Variants in AMPH observed in about 807,000 individuals in gnomAD.
The protein encoded by AMPH is amphiphysin (Stiff-Mann syndrome with breast cancer 128kD autoantigen).
Under a neutral mutation model 99.1 loss-of-function variants are expected in AMPH, and 49 were observed. That is an observed-to-expected ratio of 0.49 (90% CI 0.39 to 0.63). The LOEUF (loss-of-function observed/expected upper bound fraction) is 0.63. Ranked by LOEUF, AMPH falls within the 20% of genes least tolerant of loss-of-function variation. AMPH has a pLI of 0.00. For synonymous variants in AMPH, 314 were observed against 317.3 expected (o/e 0.99, Z 0.11); for missense variants, 759 against 863.4 (o/e 0.88, Z 1.52).
At chr7:38,391,445 C>G (rs571958322) in intron 19 of AMPH, among the ~76,000 whole-genome samples, 1 of 152,298 alleles carries the variant, frequency 6.6e-6, no homozygotes, top group Admixed American at 6.5e-5. Flanking sequence ...CTGAGCCAGG[C>G]TCCACAGATT....
intron 2 of AMPH, among the ~76,000 whole-genome samples, chr7:38,526,843 C>T (rs1452546808): frequency 6.6e-6 from 1 of 152,092 alleles, no homozygotes; most frequent in Non-Finnish European, 1.5e-5. Flanking sequence ...CTTTACCTAA[C>T]CCTAGATCCC....
intron 10 of AMPH, among the ~76,000 whole-genome samples, 187 bp from the exon 11 acceptor site, chr7:38,461,598 T>G (rs934402582): frequency 6.6e-6 from 1 of 152,164 alleles, no homozygotes; most frequent in African/African-American, 2.4e-5. Context: ...TGAGCCCTGA[T>G]AAGCCATGGT....
chr7:38,420,947 C>T (rs750762348), intron 16 of AMPH: 8 of 456,428 alleles, frequency 1.8e-5, no homozygotes, highest in African/African-American at 4.0e-5. Flanking sequence ...AACACTGGGG[C>T]GTTTTCTTGC....
At chr7:38,517,939 A>G (rs1263605227) in intron 2 of AMPH, among the ~76,000 whole-genome samples, 2 of 152,136 alleles carry the variant, frequency 1.3e-5, no homozygotes, top group Non-Finnish European at 2.9e-5. Context: ...CCCTCTCATC[A>G]CAGTCTCAGC....
intron 2 of AMPH, among the ~76,000 whole-genome samples, chr7:38,517,482 G>GC (rs927369601): frequency 1.3e-5 from 2 of 152,114 alleles, no homozygotes; most frequent in South Asian, 2.1e-4. Flanking sequence ...TTTCCTGAGT[G>GC]CCCCCCATCC....
At chr7:38,408,104 G>C (rs1454268967) in intron 17 of AMPH, among the ~76,000 whole-genome samples, 1 of 152,108 alleles carries the variant, frequency 6.6e-6, no homozygotes, top group Non-Finnish European at 1.5e-5. Flanking sequence ...AGTAAACAAG[G>C]ACTGAAACAG....
Position 38,429,360 on chromosome 7 carries a change from G to A in AMPH, c.1182+482C>T, listed in dbSNP as rs947094962. Reference sequence around the variant, plus strand: ...GTCAGCAGACGAAAGCAGGCTGGTGGATAATCTTATGTCTTGCTCTGTTTC... The same window carrying A: ...GTCAGCAGACGAAAGCAGGCTGGTGAATAATCTTATGTCTTGCTCTGTTTC... On this transcript the variant is annotated intron_variant, in intron 14 of 20. Transcript: ENST00000356264. 5 of 1,290,028 alleles carry A rather than the reference G, an allele frequency of 3.9e-6. No homozygotes were observed. In the Admixed American group the frequency reaches 1.1e-4, roughly 30 times the overall value. 79.9% of individuals were successfully genotyped at this position (1,290,028 alleles called of 1,614,324 possible).
chr7:38,516,845 C>T (rs1447805784), intron 2 of AMPH, among the ~76,000 whole-genome samples: 4 of 152,208 alleles, frequency 2.6e-5, no homozygotes, highest in East Asian at 3.9e-4. Flanking sequence ...GTGTCAGTGT[C>T]GCCTGAATAT....
intron 20 of AMPH, among the ~76,000 whole-genome samples, chr7:38,386,314 C>T (rs1465761798): frequency 6.6e-6 from 1 of 152,078 alleles, no homozygotes; most frequent in East Asian, 1.9e-4. Flanking sequence ...ATTTTTCCCC[C>T]ACAAGTGTCT....
At chr7:38,429,915 T>C in intron 13 of AMPH, 50 bp from the exon 14 acceptor site, 1 of 1,538,688 alleles carries the variant, frequency 6.5e-7, no homozygotes, top group South Asian at 1.2e-5. Context: ...GAAAATTCAC[T>C]AACACAATAA....
intron 1 of AMPH, among the ~76,000 whole-genome samples, chr7:38,617,708 T>C (rs939967750): frequency 6.6e-6 from 1 of 152,214 alleles, no homozygotes; most frequent in African/African-American, 2.4e-5. Context: ...TTTAGACTCA[T>C]TGTTGGTGTT....
chr7:38,559,402 G>A (rs1439138693), intron 1 of AMPH, among the ~76,000 whole-genome samples: 2 of 152,234 alleles, frequency 1.3e-5, no homozygotes, highest in Middle Eastern at 3.2e-3. Flanking sequence ...GAATGTCCTG[G>A]AAGAAAGTCA....
chr7:38,417,433 T>C (rs1785420660), intron 17 of AMPH, among the ~76,000 whole-genome samples: 1 of 152,236 alleles, frequency 6.6e-6, no homozygotes, highest in South Asian at 2.1e-4. Context: ...ATGAAACTAA[T>C]ATTGTAAGTA....
At chr7:38,516,686 C>T (rs973690614) in intron 2 of AMPH, among the ~76,000 whole-genome samples, 8 of 152,224 alleles carry the variant, frequency 5.3e-5, no homozygotes, top group Admixed American at 4.6e-4. Context: ...GTCCTCCAGA[C>T]CCCACAATGG....
intron 7 of AMPH, among the ~76,000 whole-genome samples, chr7:38,472,308 G>A (rs918653159): frequency 6.6e-6 from 1 of 152,016 alleles, no homozygotes; most frequent in Non-Finnish European, 1.5e-5. Flanking sequence ...ATGTATTTAT[G>A]GAATAACTTG....
At position 38,387,575 on chromosome 7, in the gene AMPH, A is replaced by C. The variant is rs190478981; in HGVS notation, c.1980+2229T>G. Among the ~76,000 whole-genome samples the C allele has an allele frequency of 7.9e-5, 12 of 152,288 alleles. No individual in the cohort carries two copies. In the East Asian group the frequency reaches 2.3e-3, roughly 29 times the overall value. On this transcript the variant is annotated intron_variant, in intron 20 of 20. Coordinates refer to ENST00000356264, the MANE Select transcript of AMPH (RefSeq NM_001635.4). The stretch of plus-strand genomic sequence containing the variant: ...AGCACTTGAAGGCAGATCAATAGAA[A>C]TTATCCAACCTGACTACCAGAGAGA...
chr7:38,511,961 C>A (rs1426914082), intron 2 of AMPH, among the ~76,000 whole-genome samples: 1 of 152,118 alleles, frequency 6.6e-6, no homozygotes, highest in Non-Finnish European at 1.5e-5. Flanking sequence ...TTTAGAGACA[C>A]AAGTCAAATG....
intron 7 of AMPH, among the ~76,000 whole-genome samples, chr7:38,466,569 A>T (rs377127841): frequency 2.0e-5 from 3 of 151,926 alleles, no homozygotes; most frequent in East Asian, 1.9e-4. Flanking sequence ...ATGAAGACTG[A>T]GAATTTGTAT....
chr7:38,531,822 C>T (rs1183772667), intron 2 of AMPH, among the ~76,000 whole-genome samples: 4 of 151,930 alleles, frequency 2.6e-5, no homozygotes, highest in Non-Finnish European at 5.9e-5. Flanking sequence ...TATATATACT[C>T]GTAGAAAAAA....
Sources: gnomAD v4.1 joint callset for allele counts (sites outside exome capture counted in the v4.1 genomes callset) on GRCh38, gnomAD v4.1.1 for gene constraint, MANE v1.5 for transcripts, NCBI Gene and HGNC (gene_info 2026-07-23, HGNC 2026-07-21) for gene names.